Variants in LRRK1 observed in about 807,000 individuals in gnomAD.
LRRK1 encodes leucine-rich repeat serine/threonine-protein kinase 1.
Under a neutral mutation model 209.1 loss-of-function variants are expected in LRRK1, and 113 were observed. That is an observed-to-expected ratio of 0.54 (90% CI 0.46 to 0.63). The LOEUF is 0.63. Among genes scored for constraint, LRRK1 ranks in the 30% least tolerant of loss-of-function variants. The pLI is 0.00. For synonymous variants in LRRK1, 1,144 were observed against 1,099.7 expected, an observed-to-expected ratio of 1.04 and a Z score of -0.80; for missense variants, 2,284 against 2,632.2, an observed-to-expected ratio of 0.87 and a Z score of 2.89.
Position 101,027,885 on chromosome 15 carries a change from T to A in LRRK1, c.2686+88T>A. On this transcript the variant is annotated intron_variant, in intron 19 of 33. Coordinates refer to ENST00000388948, the MANE Select transcript of LRRK1 (RefSeq NM_024652.6). The surrounding 1 kb of genome is among the most constrained non-coding windows in gnomAD (Gnocchi z 5.1). ...ACTTCAGCTTGGCCTCAGTAATGAA[T>A]GAGAGACCGACACCCAGCCTGCGTT... The A allele has an allele frequency of 1.6e-6, 2 of 1,237,944 alleles. No homozygotes were observed. Among genetic ancestry groups the A allele is most frequent in the Non-Finnish European group, 2.2e-6 (2 of 898,540 alleles). The allele number at this position is 1,237,944 out of a possible 1,614,324, so 76.7% of individuals were successfully genotyped here.
At chr15:100,990,200 TA>T (rs1400989202) in intron 6 of LRRK1, among the ~76,000 whole-genome samples, 2 of 152,240 alleles carry the variant, frequency 1.3e-5, no homozygotes, top group Non-Finnish European at 2.9e-5. Context: ...TTTTTAAATT[TA>T]GTATTCTATC....
rs762983452 is a variant in LRRK1, at chr15:101,051,734, G to A, written c.3463G>A (p.Gly1155Arg). 11 of 1,613,758 alleles carry A rather than the reference G, an allele frequency of 6.8e-6. No individual in the cohort carries two copies. The highest frequency in any genetic ancestry group is 7.6e-6 in the Non-Finnish European group (9 of 1,180,000). Residue 1155 changes from glycine (G) to arginine (R), a missense_variant, in exon 24 of 34, where the codon GGG becomes AGG. Physicochemically the swap from Gly to Arg is moderately radical, Grantham distance 125 (BLOSUM62 -2). Coordinates refer to ENST00000388948, the MANE Select transcript of LRRK1 (RefSeq NM_024652.6). ...AGCCCTGACAGCCACAGAGAGCGAC[G>A]GGACGCCACTCATGGAGCAGTACGT... ...FPALTATESD[G>R]TPLMEQYVPC...
At position 100,954,469 on chromosome 15, in the gene LRRK1, A is replaced by T. The variant is rs374325810; in HGVS notation, c.98-19335A>T. On this transcript the variant is annotated intron_variant, in intron 2 of 33. Coordinates refer to ENST00000388948, the MANE Select transcript of LRRK1 (RefSeq NM_024652.6). ...CATAGGTTGCCTTTTCATTTTGTTG[A>T]TTGTTTCCTTTGCTGTGGTTTTTAG... 5.9e-5 allele frequency among the ~76,000 whole-genome samples: 9 copies of T among 151,656 alleles called. No individual in the cohort carries two copies. In the South Asian group the frequency reaches 1.9e-3, roughly 32 times the overall value.
Position 101,049,791 on chromosome 15 carries a change from G to A in LRRK1, c.3439+8G>A. On this transcript the variant is annotated splice_region_variant and intron_variant, in intron 23 of 33. Coordinates refer to ENST00000388948, the MANE Select transcript of LRRK1 (RefSeq NM_024652.6). ...TTGATCAGTGGTTTCCCGGTAAGAGGAGATGCTAGAAGCAAGCCCTCATTC... is the reference window on the plus strand; with the variant it reads ...TTGATCAGTGGTTTCCCGGTAAGAGAAGATGCTAGAAGCAAGCCCTCATTC... 2 of 1,611,488 alleles carry A rather than the reference G, an allele frequency of 1.2e-6. No individual in the cohort carries two copies. Among genetic ancestry groups the A allele is most frequent in the Non-Finnish European group, 1.7e-6 (2 of 1,178,734 alleles).
chr15:101,058,829 C>T (rs533028836), intron 29 of LRRK1, among the ~76,000 whole-genome samples: 8 of 151,700 alleles, frequency 5.3e-5, no homozygotes, highest in South Asian at 2.1e-4. Context: ...TGGGATGAGC[C>T]GAAAAACTAG....
Position 101,027,504 on chromosome 15 carries a change from G to C in LRRK1, c.2526+123G>C. 1 of 1,504,022 alleles carries C rather than the reference G, an allele frequency of 6.6e-7. No homozygotes were observed. The highest frequency in any genetic ancestry group is 9.0e-7 in the Non-Finnish European group (1 of 1,116,718). 93.2% of individuals were successfully genotyped at this position (1,504,022 alleles called of 1,614,324 possible). A position where few individuals can be genotyped will look rare whatever the true frequency, so the allele number is the denominator to read the frequency against. ...GGCAAGGCTCGGTGGTTCCTGGTGA[G>C]GGAGGGTCAGGATGGAAGATAGTGG... On this transcript the variant is annotated intron_variant, in intron 18 of 33. Transcript: ENST00000388948. The surrounding 1 kb of genome is among the most constrained non-coding windows in gnomAD (Gnocchi z 5.1).
intron 30 of LRRK1, among the ~76,000 whole-genome samples, chr15:101,062,221 A>AAGAAC (rs2036228045): frequency 1.3e-5 from 2 of 152,226 alleles, no homozygotes; most frequent in African/African-American, 4.8e-5. Context: ...CTCACATGGG[A>AAGAAC]AGAACAGTGA....
chr15:100,941,408 GTCTCTGTGTGTGTGTGTGTC>G (rs2042420313), intron 2 of LRRK1, among the ~76,000 whole-genome samples: 1 of 12,700 alleles, frequency 7.9e-5, no homozygotes, highest in African/African-American at 2.9e-4. Flanking sequence ...GTCTGTGTGT[GTCTCTGTGTGTGTGTGTGTC>G]TGTGTGTGTG....
At chr15:100,987,750 G>A (rs938586302) in intron 4 of LRRK1, among the ~76,000 whole-genome samples, 5 of 151,976 alleles carry the variant, frequency 3.3e-5, no homozygotes, top group South Asian at 2.1e-4. Context: ...TTACCAACAG[G>A]CAAACTGAAA....
At chr15:100,962,808 T>C (rs868070691) in intron 2 of LRRK1, among the ~76,000 whole-genome samples, 1 of 28,698 alleles carries the variant, frequency 3.5e-5, no homozygotes, top group South Asian at 1.3e-3. Flanking sequence ...TATATATATA[T>C]ATATATATAT....
intron 33 of LRRK1, among the ~76,000 whole-genome samples, chr15:101,068,432 AG>A (rs544472474): frequency 6.6e-6 from 1 of 152,140 alleles, no homozygotes; most frequent in South Asian, 2.1e-4. Context: ...TTACAGACAA[AG>A]CCCATGGACG....
chr15:101,064,469 G>A (rs1366988061), intron 31 of LRRK1: 1 of 152,930 alleles, frequency 6.5e-6, no homozygotes, highest in East Asian at 1.9e-4. Context: ...GCTCTGCCCT[G>A]GGAGGTGCCC....
chr15:101,027,404 TTAAA>T lies in LRRK1; in HGVS notation c.2526+24_2526+27del. 1 of 1,609,176 alleles carries T rather than the reference TTAAA, an allele frequency of 6.2e-7. No individual in the cohort carries two copies. Among genetic ancestry groups the T allele is most frequent in the Non-Finnish European group, 8.5e-7 (1 of 1,178,130 alleles). On this transcript the variant is annotated intron_variant, in intron 18 of 33. Transcript: ENST00000388948. The surrounding 1 kb of genome is among the most constrained non-coding windows in gnomAD (Gnocchi z 5.1). ...CTGGTGGGTACCTTGCTGGTCCAGT[TTAAA>T]CCAGTCTGCCTGCTTCCCATTGTTG... is the stretch of plus-strand genomic sequence containing the variant.
At chr15:100,925,440 C>G (rs1353784736) in intron 2 of LRRK1, among the ~76,000 whole-genome samples, 2 of 152,186 alleles carry the variant, frequency 1.3e-5, no homozygotes, top group Non-Finnish European at 2.9e-5. Context: ...AATCCTTATT[C>G]TCCTGTGGGA....
chr15:101,053,386 C>T lies in LRRK1; in HGVS notation c.4020C>T (p.Ser1340=). ...LCFALELAPL[S]SLNTVLSENA... Reference sequence around the variant, plus strand: ...TCGCCCTGGAGCTCGCGCCGCTCAGCAGCCTCAACACCGTGCTGTCCGAGA... The same window carrying T: ...TCGCCCTGGAGCTCGCGCCGCTCAGTAGCCTCAACACCGTGCTGTCCGAGA... The change falls in exon 26 of 34, where the codon AGC becomes AGT. Residue 1340 remains serine, a synonymous_variant. Coordinates refer to ENST00000388948, the MANE Select transcript of LRRK1 (RefSeq NM_024652.6). 6.3e-7 allele frequency: 1 copy of T among 1,599,732 alleles called. No homozygotes were observed. The highest frequency in any genetic ancestry group is 8.5e-7 in the Non-Finnish European group (1 of 1,179,510).
In LRRK1 at chr15:101,061,284, C is replaced by T. The variant is rs1214343969; in HGVS notation, c.4793C>T (p.Thr1598Ile). ...GTCCAGAGATCCCTGTGGACAGCCA[C>T]CGAGGTAAGCACTGCCCGCAGGCCT... ...LQVQRSLWTA[T>I]EDQKIYIYTL... The change falls in exon 30 of 34, where the codon ACC becomes ATC. Residue 1598 changes from threonine to isoleucine, a missense_variant. Physicochemically the swap from Thr to Ile is moderately conservative, Grantham distance 89. Transcript: ENST00000388948. The T allele has an allele frequency of 6.2e-7, 1 of 1,609,200 alleles. No individual in the cohort carries two copies. Among genetic ancestry groups the T allele is most frequent in the South Asian group, 1.1e-5 (1 of 90,568 alleles).
chr15:101,074,212 AGGCTGCTCCTTG>A lies in LRRK1; in HGVS notation c.*5365_*5376del, dbSNP rs1489439578. 5.3e-5 allele frequency: 8 copies of A among 151,876 alleles called. No individual in the cohort carries two copies. The highest frequency in any genetic ancestry group is 3.9e-4 in the East Asian group (2 of 5,152). The allele number at this position is 151,876 out of a possible 1,614,324, so 9.4% of individuals were successfully genotyped here. ...CCATCTGACCTCTCCCCTCCTCCCC[AGGCTGCTCCTTG>A]CCAGGCCGAGCTAGGTCCCAATTCT... On this transcript the variant is annotated 3_prime_UTR_variant, in exon 34 of 34. Coordinates refer to ENST00000388948, the MANE Select transcript of LRRK1 (RefSeq NM_024652.6).
intron 2 of LRRK1, among the ~76,000 whole-genome samples, chr15:100,941,248 C>CTGTG (rs1220339136): frequency 2.3e-5 from 2 of 88,494 alleles, no homozygotes; most frequent in South Asian, 3.7e-4. Flanking sequence ...GTGTGTCTGT[C>CTGTG]TGTGTGTGTG....
chr15:101,051,032 G>A (rs1397318282), intron 23 of LRRK1, among the ~76,000 whole-genome samples: 2 of 152,220 alleles, frequency 1.3e-5, no homozygotes, highest in South Asian at 2.1e-4. Flanking sequence ...ATCGCCTGGA[G>A]CCAGCATCCC....
Sources: gnomAD v4.1 joint callset for allele counts (sites outside exome capture counted in the v4.1 genomes callset) on GRCh38, gnomAD v4.1.1 for gene constraint, Gnocchi (gnomAD v3.1) non-coding constraint, MANE v1.5 for transcripts, NCBI Gene and HGNC (gene_info 2026-07-23, HGNC 2026-07-21) for gene names.